Variants in PRKAR1B observed in about 807,000 individuals in gnomAD.
PRKAR1B encodes cAMP-dependent protein kinase type I-beta regulatory subunit.
In PRKAR1B, 22 loss-of-function variants were observed where a neutral mutation model predicts 46.5. The ratio of observed to expected loss-of-function variants is 0.47; its 90% confidence interval spans 0.34 to 0.68. The LOEUF (loss-of-function observed/expected upper bound fraction) is 0.68, where lower values mean the gene tolerates loss of function less well. Among genes scored for constraint, PRKAR1B ranks in the 30% least tolerant of loss-of-function variants. The pLI, the probability that PRKAR1B is intolerant of heterozygous loss-of-function variation, is 0.01. For missense variants in PRKAR1B, 445 were observed against 535.6 expected (o/e 0.83, Z 1.67); for synonymous variants, 259 against 217.7 (o/e 1.19, Z -1.67).
intron 1 of PRKAR1B, among the ~76,000 whole-genome samples, chr7:718,546 G>A (rs1428741508): frequency 2.0e-5 from 3 of 151,642 alleles, no homozygotes; most frequent in South Asian, 2.1e-4. Context: ...TAGTAGAGAC[G>A]GGGTTTGACC....
intron 4 of PRKAR1B, among the ~76,000 whole-genome samples, chr7:669,690 G>A (rs543395411): frequency 6.6e-6 from 1 of 151,558 alleles, no homozygotes; most frequent in East Asian, 2.0e-4. Flanking sequence ...CTTGAACCCA[G>A]GAGACGGAGG....
intron 5 of PRKAR1B, among the ~76,000 whole-genome samples, chr7:606,767 C>T (rs901662030): frequency 1.6e-4 from 23 of 148,374 alleles, no homozygotes; most frequent in Middle Eastern, 3.5e-3. Context: ...GAATTTTATG[C>T]GTGTGTGTGT....
chr7:615,603 C>T (rs577473302), intron 4 of PRKAR1B, among the ~76,000 whole-genome samples: 39 of 151,166 alleles, frequency 2.6e-4, no homozygotes, highest in South Asian at 1.1e-3. Flanking sequence ...TTTGGGAGGC[C>T]GAGGTGGGCG....
chr7:638,478 G>A (rs562291174), intron 4 of PRKAR1B, among the ~76,000 whole-genome samples: 95 of 152,230 alleles, frequency 6.2e-4, no homozygotes, highest in African/African-American at 2.1e-3. Context: ...CTCCCCGAGG[G>A]TCTCTCCTAG....
chr7:577,829 C>T (rs1176392281), intron 9 of PRKAR1B, among the ~76,000 whole-genome samples: 1 of 152,200 alleles, frequency 6.6e-6, no homozygotes. Flanking sequence ...GTGGAATGAA[C>T]AGCTTTACTG....
In PRKAR1B at chr7:712,170, C is replaced by A. The variant is rs554522209; in HGVS notation, c.-22-643G>T. ...GGCGCAGGACCCCAGCCCCCCGCCA[C>A]GCCGCCCCCGGAGTGCCCAGACCGC... On this transcript the variant is annotated intron_variant, in intron 1 of 10. Coordinates refer to ENST00000537384, the MANE Select transcript of PRKAR1B (RefSeq NM_001164760.2). 5.9e-3 allele frequency among the ~76,000 whole-genome samples: 890 copies of A among 150,756 alleles called. 11 individuals carry two copies. Among genetic ancestry groups the A allele is most frequent in the African/African-American group, 0.021 (846 of 41,224 alleles).
Position 711,316 on chromosome 7 carries a change from G to A in PRKAR1B, c.177+13C>T, listed in dbSNP as rs764809726. 1.5e-5 allele frequency: 25 copies of A among 1,613,452 alleles called. No individual in the cohort carries two copies. Among genetic ancestry groups the A allele is most frequent in the African/African-American group, 8.0e-5 (6 of 74,944 alleles). On this transcript the variant is annotated intron_variant, in intron 2 of 10. Coordinates refer to ENST00000537384, the MANE Select transcript of PRKAR1B (RefSeq NM_001164760.2). ...CGTGCGAAGGGAAGCAGCGGGCGGC[G>A]GGGGCCACTCACCTTCTCCAGCTTC...
upstream of PRKAR1B, among the ~76,000 whole-genome samples, chr7:727,935 C>G (rs1057234100): frequency 6.6e-6 from 1 of 151,632 alleles, no homozygotes; most frequent in African/African-American, 2.4e-5. Context: ...TAGCTGCCCC[C>G]TTTCCTTCCC....
intron 9 of PRKAR1B, among the ~76,000 whole-genome samples, chr7:554,834 CAG>C (rs1459087953): frequency 3.3e-5 from 5 of 151,862 alleles, no homozygotes; most frequent in African/African-American, 4.8e-5. Context: ...AGCCGGAAGA[CAG>C]GGGAGGCCAC....
chr7:650,602 A>G (rs928161739), intron 4 of PRKAR1B, among the ~76,000 whole-genome samples: 2 of 152,190 alleles, frequency 1.3e-5, no homozygotes, highest in Admixed American at 1.3e-4. Flanking sequence ...CCACCCGAAC[A>G]GCGTGGGGCA....
intron 6 of PRKAR1B, among the ~76,000 whole-genome samples, chr7:604,511 G>A (rs1309369429): frequency 6.6e-6 from 1 of 152,238 alleles, no homozygotes; most frequent in Admixed American, 6.5e-5. Flanking sequence ...TCAGGACAGA[G>A]CACACCAGGG....
At chr7:680,459 G>A in intron 3 of PRKAR1B, 97 bp downstream of exon 3, 1 of 1,225,452 alleles carries the variant, frequency 8.2e-7, no homozygotes, top group Non-Finnish European at 1.1e-6. Flanking sequence ...GAGACCCCCA[G>A]GAGGATGAGG....
intron 4 of PRKAR1B, among the ~76,000 whole-genome samples, chr7:651,191 G>A (rs1407164686): frequency 6.6e-6 from 1 of 152,182 alleles, no homozygotes; most frequent in Non-Finnish European, 1.5e-5. Context: ...ATACAGCCAG[G>A]CTCCTAGGGG....
At chr7:569,894 C>G (rs1048681405) in intron 9 of PRKAR1B, among the ~76,000 whole-genome samples, 3 of 152,212 alleles carry the variant, frequency 2.0e-5, no homozygotes, top group African/African-American at 7.2e-5. Context: ...CGTCACTGTC[C>G]CCGCGCAGAT....
chr7:584,231 A>G (rs1253800506), intron 8 of PRKAR1B, among the ~76,000 whole-genome samples: 3 of 152,246 alleles, frequency 2.0e-5, no homozygotes, highest in African/African-American at 4.8e-5. Context: ...CAAAGGGAGA[A>G]GCAGACAGGA....
At position 714,205 on chromosome 7, in the gene PRKAR1B, C is replaced by G. The variant is rs1485097931; in HGVS notation, c.-22-2678G>C. On this transcript the variant is annotated intron_variant, in intron 1 of 10. Transcript: ENST00000537384. The surrounding 1 kb of genome is among the most constrained non-coding windows in gnomAD (Gnocchi z 4.3). ...GCTTCGGGGGGCAGATGCTCCAGGC[C>G]TGGCTGCTTCTCTCCCGGGCTGTCC... Among the ~76,000 whole-genome samples, 1 of 152,170 alleles carries G rather than the reference C, an allele frequency of 6.6e-6. No individual in the cohort carries two copies. Among genetic ancestry groups the G allele is most frequent in the African/African-American group, 2.4e-5 (1 of 41,440 alleles).
At chr7:596,428 C>T in intron 6 of PRKAR1B, 124 bp from the exon 7 acceptor site, 2 of 1,210,276 alleles carry the variant, frequency 1.7e-6, no homozygotes, top group Non-Finnish European at 2.3e-6. Context: ...GGCACAAGCC[C>T]TTTCGCTTGT....
chr7:663,858 G>A (rs879647204), intron 4 of PRKAR1B, among the ~76,000 whole-genome samples: 8 of 152,130 alleles, frequency 5.3e-5, no homozygotes, highest in Non-Finnish European at 7.3e-5. Flanking sequence ...ACTGCCTCCC[G>A]AATCGGAGTG....
intron 1 of PRKAR1B, among the ~76,000 whole-genome samples, chr7:725,873 C>T (rs1285537049): frequency 6.6e-6 from 1 of 152,178 alleles, no homozygotes; most frequent in Non-Finnish European, 1.5e-5. Context: ...TCTGGCTCAA[C>T]CAGTTCTGTG....
Sources: allele counts gnomAD v4.1 joint callset (sites outside exome capture counted in the v4.1 genomes callset), GRCh38; gene constraint gnomAD v4.1.1; non-coding constraint Gnocchi (gnomAD v3.1); transcripts MANE v1.5; gene names NCBI Gene and HGNC (gene_info 2026-07-23, HGNC 2026-07-21).